The following CRTC1 variants were observed in gnomAD, a reference collection of about 807,000 sequenced individuals.
CRTC1 encodes the protein CREB regulated transcription coactivator 1, also known as CREB-regulated transcription coactivator 1.
CRTC1 carries 18 observed loss-of-function variants against 66.1 expected under a neutral mutation model. The ratio of observed to expected loss-of-function variants is 0.27; its 90% confidence interval spans 0.19 to 0.40. CRTC1 has a LOEUF of 0.40. Among genes scored for constraint, CRTC1 ranks in the 10% least tolerant of loss-of-function variants. The pLI is 1.00. For synonymous variants in CRTC1, 416 were observed against 398.8 expected (o/e 1.04, Z -0.51); for missense variants, 669 against 887.9 (o/e 0.75, Z 3.13).
In CRTC1 at chr19:18,768,141, G is replaced by A. The variant is rs533608011; in HGVS notation, c.1012-344G>A. Among the ~76,000 whole-genome samples the A allele has an allele frequency of 1.1e-3, 173 of 152,340 alleles. No homozygotes were observed. Among genetic ancestry groups the A allele is most frequent in the Non-Finnish European group, 2.1e-3 (145 of 68,024 alleles). ...AGGTTTCCCCGCAGCACCCACAGGG[G>A]CTGGGAGCTGGCTGCTCACTGAGCC... is the stretch of plus-strand genomic sequence containing the variant. On this transcript the variant is annotated intron_variant, in intron 9 of 13. Transcript: ENST00000321949. The surrounding 1 kb of genome is among the most constrained non-coding windows in gnomAD (Gnocchi z 5.6).
At chr19:18,719,168 C>A (rs570119843) in intron 1 of CRTC1, among the ~76,000 whole-genome samples, 1 of 152,246 alleles carries the variant, frequency 6.6e-6, no homozygotes, top group Non-Finnish European at 1.5e-5. Context: ...GTCCCTGCTT[C>A]TTCTACCCTG....
intron 4 of CRTC1, 117 bp from the exon 5 acceptor site, chr19:18,749,664 C>T: frequency 1.2e-6 from 1 of 819,370 alleles, no homozygotes. Context: ...TGCAGCAGCT[C>T]ACAAAAATGA....
chr19:18,755,114 G>A (rs1414492723), intron 6 of CRTC1, among the ~76,000 whole-genome samples: 1 of 151,702 alleles, frequency 6.6e-6, no homozygotes, highest in African/African-American at 2.4e-5. Context: ...TCAGCCTCCC[G>A]AGTAGTTGGG....
chr19:18,749,677 C>A, intron 4 of CRTC1, 104 bp from the exon 5 acceptor site: 1 of 935,466 alleles, frequency 1.1e-6, no homozygotes, highest in South Asian at 1.4e-5. Flanking sequence ...AAAAATGATC[C>A]ACAGCTGCCA....
chr19:18,722,445 G>C (rs1415265574), intron 1 of CRTC1, among the ~76,000 whole-genome samples: 1 of 152,166 alleles, frequency 6.6e-6, no homozygotes, highest in Non-Finnish European at 1.5e-5. Context: ...CTTGAGATGA[G>C]ATCGTCTTGG....
intron 1 of CRTC1, among the ~76,000 whole-genome samples, chr19:18,720,577 A>G (rs1489130067): frequency 2.9e-5 from 4 of 137,464 alleles, no homozygotes; most frequent in African/African-American, 1.1e-4. Context: ...CATGTTAGTC[A>G]GGATGGTCTT....
At chr19:18,696,790 G>C (rs2052999387) in intron 1 of CRTC1, among the ~76,000 whole-genome samples, 1 of 151,756 alleles carries the variant, frequency 6.6e-6, no homozygotes, top group Non-Finnish European at 1.5e-5. Context: ...CTCCAGTAGG[G>C]AGGAGGGCGA....
intron 1 of CRTC1, among the ~76,000 whole-genome samples, chr19:18,704,120 T>A (rs372396961): frequency 9.2e-5 from 14 of 152,232 alleles, no homozygotes; most frequent in East Asian, 3.8e-4. Context: ...TTTCTTTTTA[T>A]ATTTTTTCTT....
In CRTC1 at chr19:18,777,223, C is replaced by G; in HGVS notation, c.1746C>G (p.Ala582=). 6.2e-7 allele frequency: 1 copy of G among 1,610,934 alleles called. No individual in the cohort carries two copies. The highest frequency in any genetic ancestry group is 2.2e-5 in the East Asian group (1 of 44,826). The part of the protein sequence containing the change: ...SLSKELTSSL[A]GVGDVSFDSD... The stretch of plus-strand genomic sequence containing the variant: ...CTAAAGAACTGACCAGCTCTCTGGC[C>G]GGGGTCGGCGACGTCAGCTTCGACT... The change falls in exon 14 of 14, where the codon GCC becomes GCG. Residue 582 remains alanine (A), a synonymous_variant. Coordinates refer to ENST00000321949, the MANE Select transcript of CRTC1 (RefSeq NM_015321.3). This position sits in a 1 kb window ranked among gnomAD's most constrained non-coding sequence, Gnocchi z 5.5.
In CRTC1 at chr19:18,779,381, G is replaced by A. The variant is rs183271937; in HGVS notation, c.*1999G>A. On this transcript the variant is annotated 3_prime_UTR_variant, in exon 14 of 14. Transcript: ENST00000321949. Reference sequence around the variant, plus strand: ...GCTGCCGTCTTGTTCCAAGGTGCGGGGGGGACACTGTTGGTCTGTCCAGGT... The same window carrying A: ...GCTGCCGTCTTGTTCCAAGGTGCGGAGGGGACACTGTTGGTCTGTCCAGGT... The A allele has an allele frequency of 6.6e-5, 15 of 227,062 alleles. No homozygotes were observed. The highest frequency in any genetic ancestry group is 2.9e-4 in the African/African-American group (13 of 45,074). The allele number at this position is 227,062 out of a possible 1,614,324, so 14.1% of individuals were successfully genotyped here.
chr19:18,763,457 A>G (rs2054659501), intron 8 of CRTC1, among the ~76,000 whole-genome samples: 1 of 152,158 alleles, frequency 6.6e-6, no homozygotes, highest in Non-Finnish European at 1.5e-5. Context: ...CAAGGGCCCT[A>G]CCGTCTGGCC....
chr19:18,700,464 G>T (rs1809539383), intron 1 of CRTC1, among the ~76,000 whole-genome samples: 1 of 152,008 alleles, frequency 6.6e-6, no homozygotes, highest in Non-Finnish European at 1.5e-5. Flanking sequence ...TTCCTGCCGG[G>T]GCTCTTGCTG....
chr19:18,772,931 G>A (rs923987152), intron 11 of CRTC1, among the ~76,000 whole-genome samples: 1 of 152,244 alleles, frequency 6.6e-6, no homozygotes, highest in Non-Finnish European at 1.5e-5. Flanking sequence ...CCCAGGTGGG[G>A]CTGGTTCCTG....
chr19:18,758,812 G>C (rs2054549911), intron 6 of CRTC1, among the ~76,000 whole-genome samples: 1 of 152,186 alleles, frequency 6.6e-6, no homozygotes, highest in Non-Finnish European at 1.5e-5. Flanking sequence ...CTGGAGACTG[G>C]TGGCTGCTCA....
intron 1 of CRTC1, among the ~76,000 whole-genome samples, chr19:18,713,905 C>A (rs1204047895): frequency 6.6e-6 from 1 of 152,192 alleles, no homozygotes; most frequent in Non-Finnish European, 1.5e-5. Context: ...CCACTGGCAG[C>A]CCGCTCCCCA....
chr19:18,705,954 C>CCT (rs1202836911), intron 1 of CRTC1, among the ~76,000 whole-genome samples: 8 of 141,112 alleles, frequency 5.7e-5, no homozygotes, highest in African/African-American at 1.9e-4. Flanking sequence ...TTTTCCTTTT[C>CCT]CTCTCTCTCT....
intron 2 of CRTC1, among the ~76,000 whole-genome samples, chr19:18,743,548 T>A (rs2054159216): frequency 6.6e-6 from 1 of 151,964 alleles, no homozygotes; most frequent in Admixed American, 6.6e-5. Flanking sequence ...GAGATGGGGA[T>A]GGGGTGGGGC....
rs941072066 is a variant in CRTC1 at position 18,768,306 on chromosome 19, G to A, written c.1012-179G>A. The stretch of plus-strand genomic sequence containing the variant: ...CCAGCTGACCCCCTTGGGGCCCTGC[G>A]TGAGGCCCACCCTCTCTAGCCTGGG... On this transcript the variant is annotated intron_variant, in intron 9 of 13. Transcript: ENST00000321949. This position sits in a 1 kb window ranked among gnomAD's most constrained non-coding sequence, Gnocchi z 5.6. Among the ~76,000 whole-genome samples the A allele has an allele frequency of 2.6e-5, 4 of 152,170 alleles. No individual in the cohort carries two copies. The highest frequency in any genetic ancestry group is 4.4e-5 in the Non-Finnish European group (3 of 68,008).
rs2055029926 is a variant in CRTC1, at chr19:18,777,888, G to A, written c.*506G>A. On this transcript the variant is annotated 3_prime_UTR_variant, in exon 14 of 14. Transcript: ENST00000321949. The surrounding 1 kb of genome is among the most constrained non-coding windows in gnomAD (Gnocchi z 5.5). ...TCAGGTAGAGAGTGAGCCCCACGCC[G>A]CCCCAGGGAGGAGGCGCCAGAGCGC... 1.9e-5 allele frequency: 5 copies of A among 262,854 alleles called. No homozygotes were observed. The highest frequency in any genetic ancestry group is 6.0e-5 in the East Asian group (1 of 16,644). The allele number at this position is 262,854 out of a possible 1,614,324, so 16.3% of individuals were successfully genotyped here.
Sources: allele counts gnomAD v4.1 joint callset (sites outside exome capture counted in the v4.1 genomes callset), GRCh38; gene constraint gnomAD v4.1.1; non-coding constraint Gnocchi (gnomAD v3.1); transcripts MANE v1.5; gene names NCBI Gene and HGNC (gene_info 2026-07-23, HGNC 2026-07-21).